PTPRT: variants seen among roughly 807,000 people sequenced by gnomAD.
PTPRT encodes receptor-type tyrosine-protein phosphatase T.
PTPRT carries 56 observed loss-of-function variants against 176.8 expected under a neutral mutation model. The observed-to-expected ratio is 0.32, with a 90% CI of 0.26 to 0.40. PTPRT has a LOEUF of 0.40. PTPRT is among the 10% of genes least tolerant of loss of function. The pLI is 1.00. For synonymous variants in PTPRT, 783 were observed against 739.0 expected, an observed-to-expected ratio of 1.06 and a Z score of -0.96; for missense variants, 1,540 against 1,908.2, an observed-to-expected ratio of 0.81 and a Z score of 3.60.
At chr20:42,716,598 G>T (rs965797659) in intron 6 of PTPRT, among the ~76,000 whole-genome samples, 1 of 150,060 alleles carries the variant, frequency 6.7e-6, no homozygotes, top group African/African-American at 2.5e-5. Context: ...TGATGGGGTT[G>T]TTTGTTTTTT....
Position 42,128,754 on chromosome 20 carries a change from G to A in PTPRT, c.2847C>T (p.Asp949=), listed in dbSNP as rs372525279. 4.4e-6 allele frequency: 7 copies of A among 1,595,172 alleles called. No homozygotes were observed. The highest frequency in any genetic ancestry group is 1.7e-5 in the Admixed American group (1 of 58,574). The change falls in exon 19 of 31, where the codon GAC becomes GAT. Residue 949 remains aspartate (D), a splice_region_variant and synonymous_variant. Coordinates refer to ENST00000373187, the MANE Select transcript of PTPRT (RefSeq NM_007050.6). ...CCCCCAGCCCCATTAAGACACTCAC[G>A]TCAATGTAGTTGGCATTGATGTAGT... ...HSDYINANYI[D]GYHRPRHYIA...
chr20:43,094,557 C>T (rs2012046814), intron 1 of PTPRT, among the ~76,000 whole-genome samples: 1 of 151,934 alleles, frequency 6.6e-6, no homozygotes, highest in Non-Finnish European at 1.5e-5. Context: ...TGCCACTACA[C>T]CCAGCTAATT....
chr20:42,174,116 T>C (rs571097604), intron 16 of PTPRT, among the ~76,000 whole-genome samples: 1 of 152,308 alleles, frequency 6.6e-6, no homozygotes, highest in Admixed American at 6.5e-5. Flanking sequence ...TTAGAAAGAT[T>C]AATATTATTG....
chr20:42,191,423 A>C (rs564498073), intron 16 of PTPRT, among the ~76,000 whole-genome samples: 5 of 152,232 alleles, frequency 3.3e-5, no homozygotes, highest in Non-Finnish European at 5.9e-5. Flanking sequence ...GGGTGATGGT[A>C]GCTCTCTGAA....
Position 42,346,995 on chromosome 20 carries a change from C to A in PTPRT, c.1865+3633G>T, listed in dbSNP as rs6124445. Among the ~76,000 whole-genome samples the A allele has an allele frequency of 5.2e-3, 789 of 152,246 alleles. 8 individuals carry two copies. Among genetic ancestry groups the A allele is most frequent in the East Asian group, 0.039 (204 of 5,168 alleles). Reference sequence around the variant, plus strand: ...CCACAAAAGGGCCACCCGGTCATCACGTGACATACCAGGCAGAGGAACTCA... The same window carrying A: ...CCACAAAAGGGCCACCCGGTCATCAAGTGACATACCAGGCAGAGGAACTCA... On this transcript the variant is annotated intron_variant, in intron 11 of 30. Transcript: ENST00000373187.
chr20:43,156,361 C>T (rs1362972750), intron 1 of PTPRT, among the ~76,000 whole-genome samples: 1 of 152,082 alleles, frequency 6.6e-6, no homozygotes, highest in African/African-American at 2.4e-5. Flanking sequence ...GGAGCGGGTG[C>T]CTGTGGTTTC....
At chr20:42,570,958 T>C (rs533457878) in intron 7 of PTPRT, among the ~76,000 whole-genome samples, 1 of 68,002 alleles carries the variant, frequency 1.5e-5, no homozygotes, top group South Asian at 5.5e-4. Flanking sequence ...TTATCGGGGG[T>C]GGGGGTGGGT....
At chr20:42,741,223 G>T (rs1383359394) in intron 6 of PTPRT, among the ~76,000 whole-genome samples, 1 of 152,200 alleles carries the variant, frequency 6.6e-6, no homozygotes, top group African/African-American at 2.4e-5. Flanking sequence ...GGTAACTTCT[G>T]TTGGCATCAT....
chr20:42,462,123 C>T (rs1203267459), intron 8 of PTPRT, among the ~76,000 whole-genome samples: 1 of 151,942 alleles, frequency 6.6e-6, no homozygotes, highest in Non-Finnish European at 1.5e-5. Context: ...ATGTGGGCAA[C>T]ATGTGGGCAA....
chr20:42,571,398 G>C (rs1206508469), intron 7 of PTPRT, among the ~76,000 whole-genome samples: 1 of 152,146 alleles, frequency 6.6e-6, no homozygotes, highest in African/African-American at 2.4e-5. Flanking sequence ...AAAAGGCAAG[G>C]AAATGGATTC....
intron 2 of PTPRT, among the ~76,000 whole-genome samples, chr20:42,864,501 G>A (rs1447484081): frequency 7.9e-5 from 12 of 152,142 alleles, no homozygotes; most frequent in Admixed American, 7.2e-4. Context: ...ATGGGTCCAC[G>A]CACCAAACAT....
intron 13 of PTPRT, among the ~76,000 whole-genome samples, chr20:42,255,388 A>G (rs2056620613): frequency 6.6e-6 from 1 of 152,208 alleles, no homozygotes; most frequent in Non-Finnish European, 1.5e-5. Context: ...CTGTTCACAT[A>G]TGGGGCACAG....
intron 9 of PTPRT, among the ~76,000 whole-genome samples, chr20:42,391,566 C>T (rs568803718): frequency 1.3e-5 from 2 of 152,174 alleles, no homozygotes; most frequent in South Asian, 2.1e-4. Flanking sequence ...CAAAGACCAG[C>T]GATTCTTCTT....
rs1038512883 is a variant in PTPRT, at chr20:42,985,493, C to CTAAA, written c.89-99565_89-99562dup. Among the ~76,000 whole-genome samples the CTAAA allele has an allele frequency of 4.6e-5, 7 of 151,814 alleles. No individual in the cohort carries two copies. The East Asian group carries it at 5.8e-4, about 13-fold the overall frequency. On this transcript the variant is annotated intron_variant, in intron 1 of 30. Coordinates refer to ENST00000373187, the MANE Select transcript of PTPRT (RefSeq NM_007050.6). ...TGGGCAACAGAGTGAGACTCCGTTGCTAAATAAATAAATAAATAAAGTGGG... is the reference window on the plus strand; with the variant it reads ...TGGGCAACAGAGTGAGACTCCGTTGCTAAATAAATAAATAAATAAATAAAGTGGG...
intron 16 of PTPRT, among the ~76,000 whole-genome samples, chr20:42,162,335 G>C (rs898552422): frequency 6.6e-6 from 1 of 152,144 alleles, no homozygotes; most frequent in African/African-American, 2.4e-5. Context: ...CCTGATGTAG[G>C]ATCTATATTC....
chr20:42,189,628 G>C (rs1479357508), intron 16 of PTPRT, among the ~76,000 whole-genome samples: 1 of 152,120 alleles, frequency 6.6e-6, no homozygotes, highest in East Asian at 1.9e-4. Flanking sequence ...ATATTACATA[G>C]AAGACAAACC....
At chr20:42,109,315 A>G (rs1441545175) in intron 23 of PTPRT, among the ~76,000 whole-genome samples, 1 of 152,162 alleles carries the variant, frequency 6.6e-6, no homozygotes, top group Non-Finnish European at 1.5e-5. Context: ...ATATTGGAAG[A>G]GAGAGGCGTT....
chr20:42,401,085 A>G (rs921935832), intron 9 of PTPRT, among the ~76,000 whole-genome samples: 3 of 151,986 alleles, frequency 2.0e-5, no homozygotes, highest in Non-Finnish European at 2.9e-5. Context: ...ATAAGCAGAT[A>G]GGTTGACGCA....
intron 1 of PTPRT, among the ~76,000 whole-genome samples, chr20:43,186,457 C>G (rs972385831): frequency 3.3e-5 from 5 of 152,202 alleles, no homozygotes; most frequent in Non-Finnish European, 7.3e-5. Context: ...TCCACAGCAA[C>G]ACACTGTCAC....
Sources: gnomAD v4.1 joint callset for allele counts (sites outside exome capture counted in the v4.1 genomes callset) on GRCh38, gnomAD v4.1.1 for gene constraint, MANE v1.5 for transcripts, NCBI Gene and HGNC (gene_info 2026-07-23, HGNC 2026-07-21) for gene names.